The following SATL1 variants were observed in gnomAD, a reference collection of about 807,000 sequenced individuals.
SATL1 encodes spermidine/spermine N1-acetyl transferase like 1, also known as spermidine/spermine N(1)-acetyltransferase-like protein 1.
A neutral mutation model predicts 51.8 loss-of-function variants in SATL1; 47 were observed. The observed-to-expected ratio is 0.91, with a 90% CI of 0.72 to 1.16. The LOEUF (loss-of-function observed/expected upper bound fraction) is 1.16, where lower values mean the gene tolerates loss of function less well. SATL1 is among the 50% of genes most tolerant of loss of function. The pLI is 0.00. For missense variants in SATL1, 520 were observed against 526.4 expected, an observed-to-expected ratio of 0.99 and a Z score of 0.12; for synonymous variants, 176 against 182.4, an observed-to-expected ratio of 0.97 and a Z score of 0.28.
intron 3 of SATL1, among the ~76,000 whole-genome samples, chrX:85,105,349 T>G (rs1028205118): frequency 9.0e-6 from 1 of 111,152 alleles, no homozygotes; most frequent in African/African-American, 3.3e-5. Context: ...TCCTTGAGGG[T>G]AGAGAGAGAC....
At chrX:85,155,619 G>A (rs1190537395) in intron 2 of SATL1, among the ~76,000 whole-genome samples, 6 of 111,428 alleles carry the variant, frequency 5.4e-5, no homozygotes, top group African/African-American at 2.0e-4. Flanking sequence ...AGTTTAGTTT[G>A]AGCTCCATTT....
chrX:85,182,520 G>A (rs1383924099), intron 2 of SATL1, among the ~76,000 whole-genome samples: 5 of 111,244 alleles, frequency 4.5e-5, no homozygotes, highest in Admixed American at 9.6e-5. Flanking sequence ...TTTCTATATC[G>A]TAGCTACCGT....
At chrX:85,102,535 G>C (rs1924924990) in intron 4 of SATL1, among the ~76,000 whole-genome samples, 1 of 111,603 alleles carries the variant, frequency 9.0e-6, no homozygotes. Flanking sequence ...CTCTATACAA[G>C]TACATAAGGA....
intron 1 of SATL1, among the ~76,000 whole-genome samples, chrX:85,228,989 C>A (rs1054832006): frequency 8.1e-5 from 9 of 111,639 alleles, no homozygotes; most frequent in African/African-American, 2.9e-4. Flanking sequence ...ATAGACTTCC[C>A]CATTTCAGAT....
intron 2 of SATL1, among the ~76,000 whole-genome samples, chrX:85,182,245 TC>T (rs1330766598): frequency 9.0e-6 from 1 of 111,306 alleles, no homozygotes; most frequent in Non-Finnish European, 1.9e-5. Context: ...TCCTCTCCTT[TC>T]CCCTACCCTT....
At chrX:85,183,928 C>A (rs960254091) in intron 2 of SATL1, among the ~76,000 whole-genome samples, 11 of 111,325 alleles carry the variant, frequency 9.9e-5, no homozygotes, top group African/African-American at 3.3e-4. Flanking sequence ...GTCATCTCCT[C>A]TTTCCCCACC....
At chrX:85,104,086 C>CA (rs1194185701) in intron 3 of SATL1, among the ~76,000 whole-genome samples, 171 bp from the exon 4 acceptor site, 1 of 111,585 alleles carries the variant, frequency 9.0e-6, no homozygotes, top group African/African-American at 3.3e-5. Context: ...AACAGTAATG[C>CA]AACGAAAGGA....
At chrX:85,141,482 A>G (rs1165500909) in intron 2 of SATL1, among the ~76,000 whole-genome samples, 1 of 111,870 alleles carries the variant, frequency 8.9e-6, no homozygotes, top group Non-Finnish European at 1.9e-5. Flanking sequence ...TGTCAGTCTG[A>G]TAGTCTTGAT....
intron 2 of SATL1, among the ~76,000 whole-genome samples, chrX:85,116,411 T>C (rs1320856184): frequency 8.9e-6 from 1 of 112,055 alleles, no homozygotes; most frequent in Non-Finnish European, 1.9e-5. Flanking sequence ...TATGTTGGCA[T>C]ACTTCTGAGG....
chrX:85,201,568 T>G lies in SATL1; in HGVS notation c.-313+22637A>C, dbSNP rs957237966. On this transcript the variant is annotated intron_variant, in intron 2 of 7. Coordinates refer to ENST00000644105, the MANE Select transcript of SATL1 (RefSeq NM_001367857.2). Reference sequence around the variant, plus strand: ...TACATATTATTACATCACCCAGGTATTAAACTCAGTACCCAAGAGTTATTT... The same window carrying G: ...TACATATTATTACATCACCCAGGTAGTAAACTCAGTACCCAAGAGTTATTT... 2.0e-4 allele frequency among the ~76,000 whole-genome samples: 22 copies of G among 111,479 alleles called. 1 individual carries two copies. The highest frequency in any genetic ancestry group is 2.6e-4 in the Non-Finnish European group (14 of 53,059).
chrX:85,181,124 CGT>C (rs1569242921), intron 2 of SATL1, among the ~76,000 whole-genome samples: 1 of 103,523 alleles, frequency 9.7e-6, no homozygotes, highest in Non-Finnish European at 2.0e-5. Context: ...TGTGTATATA[CGT>C]GTGTGACAGA....
intron 1 of SATL1, among the ~76,000 whole-genome samples, chrX:85,239,077 G>T (rs955067415): frequency 9.2e-6 from 1 of 109,237 alleles, no homozygotes; most frequent in African/African-American, 3.3e-5. Context: ...TTGTTGAAAG[G>T]GTTGATCTCA....
chrX:85,153,008 T>A (rs1017595023), intron 2 of SATL1, among the ~76,000 whole-genome samples: 2 of 109,875 alleles, frequency 1.8e-5, no homozygotes, highest in Admixed American at 1.9e-4. Flanking sequence ...TAAAAAAAAA[T>A]ACATCGACAT....
At chrX:85,213,613 C>T (rs750347702) in intron 2 of SATL1, among the ~76,000 whole-genome samples, 2 of 111,251 alleles carry the variant, frequency 1.8e-5, no homozygotes, top group African/African-American at 6.5e-5. Flanking sequence ...TCCAAAAAAC[C>T]GCACTGTGAA....
intron 2 of SATL1, among the ~76,000 whole-genome samples, chrX:85,154,389 A>G (rs1926537820): frequency 8.9e-6 from 1 of 111,863 alleles, no homozygotes; most frequent in Non-Finnish European, 1.9e-5. Flanking sequence ...ATCTCTTCAC[A>G]TCATTGGGCT....
chrX:85,222,530 T>A (rs1201947758), intron 2 of SATL1, among the ~76,000 whole-genome samples: 49 of 111,291 alleles, frequency 4.4e-4, no homozygotes, highest in Non-Finnish European at 1.9e-5. Flanking sequence ...ATATATATAT[T>A]TTGAGAAAGA....
intron 2 of SATL1, among the ~76,000 whole-genome samples, chrX:85,145,983 G>A (rs933458096): frequency 3.0e-4 from 32 of 106,670 alleles, no homozygotes; most frequent in East Asian, 9.0e-4. Context: ...TGCAAGCTCC[G>A]CCTCCCGGGT....
intron 2 of SATL1, among the ~76,000 whole-genome samples, chrX:85,184,662 T>C (rs768181644): frequency 5.8e-4 from 65 of 112,306 alleles, no homozygotes; most frequent in African/African-American, 2.0e-3. Flanking sequence ...CCAGAATGTC[T>C]GCTTGATTCT....
chrX:85,184,649 G>C (rs1191458875), intron 2 of SATL1, among the ~76,000 whole-genome samples: 1 of 112,044 alleles, frequency 8.9e-6, no homozygotes, highest in Non-Finnish European at 1.9e-5. Context: ...GCATTTTTCA[G>C]ATCCAGAATG....
Sources: allele counts gnomAD v4.1 joint callset (sites outside exome capture counted in the v4.1 genomes callset), GRCh38; gene constraint gnomAD v4.1.1; transcripts MANE v1.5; gene names NCBI Gene and HGNC (gene_info 2026-07-23, HGNC 2026-07-21).